Variants in SHROOM3 observed in about 807,000 individuals in gnomAD.
The protein encoded by SHROOM3 is shroom family member 3, also known as protein Shroom3.
In SHROOM3, 47 loss-of-function variants were observed where a neutral mutation model predicts 138.6. The ratio of observed to expected loss-of-function variants is 0.34; its 90% CI spans 0.27 to 0.43. SHROOM3 has a LOEUF of 0.43. Among genes scored for constraint, SHROOM3 ranks in the 20% least tolerant of loss-of-function variants. SHROOM3 has a pLI of 1.00. For missense variants in SHROOM3, 2,491 were observed against 2,596.5 expected, an observed-to-expected ratio of 0.96 and a Z score of 0.88; for synonymous variants, 1,062 against 1,063.3, an observed-to-expected ratio of 1.00 and a Z score of 0.02.
chr4:76,479,588 CT>C (rs1731562160), intron 1 of SHROOM3, among the ~76,000 whole-genome samples: 1 of 152,136 alleles, frequency 6.6e-6, no homozygotes, highest in African/African-American at 2.4e-5. Flanking sequence ...CTTCCCCAAC[CT>C]AGCAAGACAG....
chr4:76,671,479 C>G (rs1718881834), intron 2 of SHROOM3, among the ~76,000 whole-genome samples: 1 of 152,240 alleles, frequency 6.6e-6, no homozygotes, highest in Admixed American at 6.5e-5. Context: ...GCCACTTCCT[C>G]CTTTGTGCTC....
intron 5 of SHROOM3, among the ~76,000 whole-genome samples, chr4:76,745,091 T>C (rs1042729822): frequency 3.9e-5 from 6 of 152,232 alleles, no homozygotes; most frequent in Non-Finnish European, 5.9e-5. Context: ...TTTCCTCTCC[T>C]TTAATTCCTC....
intron 2 of SHROOM3, among the ~76,000 whole-genome samples, chr4:76,591,815 T>A (rs1734279140): frequency 6.6e-6 from 1 of 152,196 alleles, no homozygotes; most frequent in African/African-American, 2.4e-5. Context: ...CCATATAAAA[T>A]ATAACCACCA....
chr4:76,756,944 C>G lies in SHROOM3; in HGVS notation c.5198+7C>G. 4.3e-6 allele frequency: 7 copies of G among 1,613,724 alleles called. No homozygotes were observed. The highest frequency in any genetic ancestry group is 5.1e-6 in the Non-Finnish European group (6 of 1,180,026). The stretch of plus-strand genomic sequence containing the variant: ...CAGGATGTGAAGGCAAGAGGTAAGT[C>G]CCTGGTGATGTCCTCAGAGAGACTT... On this transcript the variant is annotated splice_region_variant and intron_variant, in intron 8 of 10. Coordinates refer to ENST00000296043, the MANE Select transcript of SHROOM3 (RefSeq NM_020859.4).
chr4:76,477,217 A>C (rs6831423), intron 1 of SHROOM3, among the ~76,000 whole-genome samples: 95,391 of 151,826 alleles, frequency 0.63, 30,103 homozygotes, highest in Admixed American at 0.69. Context: ...TCCACCCCCC[A>C]CTCGGCCTCC....
intron 2 of SHROOM3, among the ~76,000 whole-genome samples, chr4:76,606,083 G>A (rs1485770871): frequency 7.4e-6 from 1 of 134,950 alleles, no homozygotes; most frequent in African/African-American, 2.8e-5. Context: ...GTGCAATCTC[G>A]GCTCACTGCA....
At chr4:76,764,841 T>G (rs1207745340) in intron 9 of SHROOM3, among the ~76,000 whole-genome samples, 1 of 152,208 alleles carries the variant, frequency 6.6e-6, no homozygotes, top group Non-Finnish European at 1.5e-5. Flanking sequence ...GTATTTGGGG[T>G]TTGCTGAGCC....
At chr4:76,669,370 T>C (rs958184035) in intron 2 of SHROOM3, among the ~76,000 whole-genome samples, 1 of 152,122 alleles carries the variant, frequency 6.6e-6, no homozygotes, top group Non-Finnish European at 1.5e-5. Flanking sequence ...CCTGTAATCC[T>C]AGCAGTTTGG....
chr4:76,657,209 A>C (rs553360780), intron 2 of SHROOM3, among the ~76,000 whole-genome samples: 229 of 152,062 alleles, frequency 1.5e-3, no homozygotes, highest in African/African-American at 5.3e-3. Context: ...CTCTCTATAT[A>C]TATATATACA....
At chr4:76,549,043 CTG>C (rs935525105) in intron 1 of SHROOM3, among the ~76,000 whole-genome samples, 5 of 152,208 alleles carry the variant, frequency 3.3e-5, no homozygotes, top group African/African-American at 4.8e-5. Flanking sequence ...TCATTTTCCA[CTG>C]AATCTTGTTG....
At chr4:76,570,417 T>G (rs947113986) in intron 2 of SHROOM3, among the ~76,000 whole-genome samples, 3 of 152,122 alleles carry the variant, frequency 2.0e-5, no homozygotes, top group Non-Finnish European at 1.5e-5. Flanking sequence ...CTGTGGCTGG[T>G]GTGCAATCGG....
intron 2 of SHROOM3, among the ~76,000 whole-genome samples, chr4:76,636,321 T>A (rs1735493345): frequency 6.6e-6 from 1 of 152,232 alleles, no homozygotes; most frequent in Non-Finnish European, 1.5e-5. Context: ...CCTACTTGTT[T>A]AATAAATACT....
intron 2 of SHROOM3, among the ~76,000 whole-genome samples, chr4:76,590,679 T>G (rs4406044): frequency 0.038 from 5,745 of 152,066 alleles, 349 homozygotes; most frequent in African/African-American, 0.13. Flanking sequence ...AATTTGTACT[T>G]GGTGTTGAGG....
intron 1 of SHROOM3, among the ~76,000 whole-genome samples, chr4:76,511,835 G>C (rs1445193717): frequency 6.6e-6 from 1 of 152,168 alleles, no homozygotes; most frequent in Non-Finnish European, 1.5e-5. Flanking sequence ...GGTGGGGCTG[G>C]AAAAGGATGG....
chr4:76,435,649 C>G lies in SHROOM3; in HGVS notation c.-404C>G, dbSNP rs1463238087. 1 of 155,036 alleles carries G rather than the reference C, an allele frequency of 6.5e-6. No homozygotes were observed. Among genetic ancestry groups the G allele is most frequent in the Non-Finnish European group, 1.4e-5 (1 of 70,102 alleles). 9.6% of individuals were successfully genotyped at this position (155,036 alleles called of 1,614,324 possible). A position where few individuals can be genotyped will look rare whatever the true frequency, so the allele number is the denominator to read the frequency against. On this transcript the variant is annotated 5_prime_UTR_variant, in exon 1 of 11. Coordinates refer to ENST00000296043, the MANE Select transcript of SHROOM3 (RefSeq NM_020859.4). ...CCTTTGAGTATTTGTGATTTTCTTA[C>G]TATATTGTAAGATGCTTTTAATTTT...
At chr4:76,697,493 G>A (rs1484069117) in intron 2 of SHROOM3, among the ~76,000 whole-genome samples, 2 of 152,136 alleles carry the variant, frequency 1.3e-5, no homozygotes, top group African/African-American at 4.8e-5. Flanking sequence ...TTTCAGCCCT[G>A]TAGGTATCTA....
At chr4:76,564,033 G>A (rs545129429) in intron 2 of SHROOM3, among the ~76,000 whole-genome samples, 13 of 152,276 alleles carry the variant, frequency 8.5e-5, no homozygotes, top group East Asian at 3.9e-4. Context: ...TGTTAGGAGC[G>A]TCTCGTGTCT....
intron 2 of SHROOM3, among the ~76,000 whole-genome samples, chr4:76,694,880 C>G (rs1719676456): frequency 6.6e-6 from 1 of 152,184 alleles, no homozygotes. Context: ...CTGTTACTAT[C>G]CCCTTTTAAA....
At chr4:76,484,258 T>C (rs62300864) in intron 1 of SHROOM3, among the ~76,000 whole-genome samples, 4,671 of 152,106 alleles carry the variant, frequency 0.031, 89 homozygotes, top group Middle Eastern at 0.051. Context: ...AAATAGATGA[T>C]ACAAAACAAA....
Sources: gnomAD v4.1 joint callset for allele counts (sites outside exome capture counted in the v4.1 genomes callset) on GRCh38, gnomAD v4.1.1 for gene constraint, MANE v1.5 for transcripts, NCBI Gene and HGNC (gene_info 2026-07-23, HGNC 2026-07-21) for gene names.